GPM6B: variants seen among roughly 807,000 people sequenced by gnomAD.
GPM6B encodes neuronal membrane glycoprotein M6-b.
A neutral mutation model predicts 27.2 loss-of-function variants in GPM6B; 4 were observed. That is an observed-to-expected ratio of 0.15 (90% CI 0.07 to 0.34). The LOEUF (loss-of-function observed/expected upper bound fraction) is 0.34. GPM6B is among the 10% of genes least tolerant of loss of function. The probability of loss-of-function intolerance (pLI) is 1.00; values close to 1 mark genes in which losing one functional copy is unlikely to be tolerated. For synonymous variants in GPM6B, 124 were observed against 103.1 expected (o/e 1.20, Z -1.23); for missense variants, 183 against 261.9 (o/e 0.70, Z 2.08).
chrX:13,871,025 C>T (rs1338645890), intron 1 of GPM6B, among the ~76,000 whole-genome samples: 1 of 110,743 alleles, frequency 9.0e-6, no homozygotes, highest in Non-Finnish European at 1.9e-5. Flanking sequence ...CATGATCACA[C>T]CACTGCACTC....
intron 1 of GPM6B, among the ~76,000 whole-genome samples, chrX:13,828,522 A>G (rs904218623): frequency 1.8e-5 from 2 of 111,889 alleles, no homozygotes; most frequent in Non-Finnish European, 3.8e-5. Context: ...TCCCAATTTC[A>G]GGTATCTTGT....
intron 1 of GPM6B, among the ~76,000 whole-genome samples, chrX:13,866,337 T>G (rs2049918588): frequency 1.8e-5 from 2 of 112,464 alleles, no homozygotes; most frequent in South Asian, 7.4e-4. Context: ...CACTCCAGTC[T>G]GGGCAACAAG....
chrX:13,928,825 C>T (rs1211981424), intron 1 of GPM6B, among the ~76,000 whole-genome samples: 2 of 111,956 alleles, frequency 1.8e-5, no homozygotes, highest in East Asian at 2.8e-4. Flanking sequence ...GTTCTTTTTG[C>T]GCTGGAACTA....
At chrX:13,847,455 T>C (rs747664320) in intron 1 of GPM6B, among the ~76,000 whole-genome samples, 11 of 112,150 alleles carry the variant, frequency 9.8e-5, no homozygotes, top group South Asian at 3.7e-4. Flanking sequence ...CCTACTTATA[T>C]TTTTGCAGTT....
chrX:13,819,487 G>C (rs1202469898), upstream of GPM6B, among the ~76,000 whole-genome samples: 1 of 112,098 alleles, frequency 8.9e-6, no homozygotes, highest in East Asian at 2.8e-4. Context: ...TTGAAGGTAA[G>C]AACACTTCTG....
At chrX:13,856,707 A>ATTT (rs397933313) in intron 1 of GPM6B, among the ~76,000 whole-genome samples, 5 of 96,478 alleles carry the variant, frequency 5.2e-5, no homozygotes, top group African/African-American at 1.1e-4. Flanking sequence ...TTTTTTTATT[A>ATTT]TTTTTTTTTT....
At chrX:13,870,753 T>C (rs940872787) in intron 1 of GPM6B, among the ~76,000 whole-genome samples, 1 of 111,364 alleles carries the variant, frequency 9.0e-6, no homozygotes, top group Non-Finnish European at 1.9e-5. Flanking sequence ...ATTCAAAGAG[T>C]ATGTATGCAA....
At chrX:13,799,530 A>C (rs866111489) in intron 2 of GPM6B, among the ~76,000 whole-genome samples, 3 of 110,060 alleles carry the variant, frequency 2.7e-5, no homozygotes, top group Non-Finnish European at 5.7e-5. Context: ...CTCAGAGTGC[A>C]AGGTCTTGAC....
intron 1 of GPM6B, among the ~76,000 whole-genome samples, chrX:13,852,503 C>T (rs1264525308): frequency 9.0e-6 from 1 of 111,399 alleles, no homozygotes. Flanking sequence ...CTACAGGTCA[C>T]CACTTTTAAT....
At chrX:13,876,841 G>C (rs2050038638) in intron 1 of GPM6B, among the ~76,000 whole-genome samples, 1 of 110,428 alleles carries the variant, frequency 9.1e-6, no homozygotes, top group Non-Finnish European at 1.9e-5. Context: ...CGTCTGAGGT[G>C]ACATCATGCA....
intron 1 of GPM6B, among the ~76,000 whole-genome samples, chrX:13,926,054 C>CAAAAAAA (rs772441542): frequency 1.0e-5 from 1 of 99,185 alleles, no homozygotes; most frequent in African/African-American, 3.8e-5. Flanking sequence ...GACTCCATCT[C>CAAAAAAA]AAAAAAAAAA....
At chrX:13,802,373 CA>C (rs2048937874) in intron 2 of GPM6B, among the ~76,000 whole-genome samples, 1 of 111,038 alleles carries the variant, frequency 9.0e-6, no homozygotes, top group East Asian at 2.8e-4. Flanking sequence ...AGGTGAGAAG[CA>C]AAGGTAAGAC....
intron 1 of GPM6B, among the ~76,000 whole-genome samples, chrX:13,893,935 G>A (rs1048637881): frequency 1.8e-5 from 2 of 112,239 alleles, no homozygotes; most frequent in African/African-American, 3.2e-5. Context: ...CTTCTCCCAA[G>A]GGGTCTTAAA....
intron 1 of GPM6B, among the ~76,000 whole-genome samples, chrX:13,878,395 G>C (rs1204500945): frequency 9.0e-6 from 1 of 111,028 alleles, no homozygotes; most frequent in African/African-American, 3.3e-5. Context: ...GTCTGGGAGT[G>C]AGAAGCAAGC....
At chrX:13,821,867 T>G (rs1460592203), upstream of GPM6B, among the ~76,000 whole-genome samples, 2 of 112,072 alleles carry the variant, frequency 1.8e-5, no homozygotes, top group African/African-American at 6.5e-5. Context: ...AGTGCTGGGA[T>G]TACAGGCATG....
At chrX:13,900,698 T>C (rs933780735) in intron 1 of GPM6B, among the ~76,000 whole-genome samples, 7 of 112,278 alleles carry the variant, frequency 6.2e-5, no homozygotes, top group Non-Finnish European at 7.5e-5. Context: ...CTGCCTGCTA[T>C]ATTCCAAAGC....
chrX:13,797,243 G>A lies in GPM6B; in HGVS notation c.181+10407C>T, dbSNP rs753105982. Among the ~76,000 whole-genome samples the A allele has an allele frequency of 8.1e-5, 9 of 111,383 alleles. No individual in the cohort carries two copies. The East Asian group carries it at 2.0e-3, about 25-fold the overall frequency. On this transcript the variant is annotated intron_variant, in intron 2 of 7. Coordinates refer to ENST00000316715, the MANE Select transcript of GPM6B (RefSeq NM_001001995.3). ...CTCCTGGCTTTGATCCTTGTGGGTGGGGTGAGGGGGGCGGTAAGACACACA... is the reference window on the plus strand; with the variant it reads ...CTCCTGGCTTTGATCCTTGTGGGTGAGGTGAGGGGGGCGGTAAGACACACA...
chrX:13,804,438 G>T (rs2048983347), intron 2 of GPM6B, among the ~76,000 whole-genome samples: 2 of 92,050 alleles, frequency 2.2e-5, no homozygotes, highest in Non-Finnish European at 4.3e-5. Context: ...GGGGGCGGGG[G>T]TAGCCCATGT....
intron 1 of GPM6B, among the ~76,000 whole-genome samples, chrX:13,823,350 CCT>C (rs1174345204): frequency 1.8e-5 from 2 of 112,055 alleles, no homozygotes; most frequent in African/African-American, 6.5e-5. Context: ...ACACATGGAA[CCT>C]CTGTTAGCCA....
Sources: allele counts gnomAD v4.1 joint callset (sites outside exome capture counted in the v4.1 genomes callset), GRCh38; gene constraint gnomAD v4.1.1; transcripts MANE v1.5; gene names NCBI Gene and HGNC (gene_info 2026-07-23, HGNC 2026-07-21).